The following KCND2 variants were observed in gnomAD, a reference collection of about 807,000 sequenced individuals.
The protein encoded by KCND2 is potassium voltage-gated channel subfamily D member 2.
In KCND2, 16 loss-of-function variants were observed where a neutral mutation model predicts 54.4. The observed-to-expected ratio is 0.29, with a 90% CI of 0.20 to 0.45. The LOEUF is 0.45. Ranked by LOEUF, KCND2 falls within the 20% of genes least tolerant of loss-of-function variation. The probability of loss-of-function intolerance (pLI) is 1.00; values close to 1 mark genes in which losing one functional copy is unlikely to be tolerated. For missense variants in KCND2, 486 were observed against 824.2 expected (o/e 0.59, Z 5.02); for synonymous variants, 317 against 310.7 (o/e 1.02, Z -0.21).
At chr7:120,649,880 A>G (rs1210957672) in intron 1 of KCND2, among the ~76,000 whole-genome samples, 5 of 152,156 alleles carry the variant, frequency 3.3e-5, no homozygotes, top group African/African-American at 9.7e-5. Context: ...TAATAAGCTT[A>G]GTTTGGCTGG....
intron 1 of KCND2, among the ~76,000 whole-genome samples, chr7:120,543,036 C>T (rs993939355): frequency 9.9e-5 from 15 of 152,004 alleles, no homozygotes; most frequent in Non-Finnish European, 1.8e-4. Flanking sequence ...AGCCCTCATA[C>T]AGTATTGACA....
chr7:120,501,798 C>G (rs934340668), intron 1 of KCND2, among the ~76,000 whole-genome samples: 1 of 151,872 alleles, frequency 6.6e-6, no homozygotes, highest in Non-Finnish European at 1.5e-5. Flanking sequence ...GCACTGTATT[C>G]CCCTGGGTGT....
chr7:120,618,258 TA>T (rs1385794937), intron 1 of KCND2, among the ~76,000 whole-genome samples: 1 of 152,202 alleles, frequency 6.6e-6, no homozygotes, highest in African/African-American at 2.4e-5. Flanking sequence ...GTGCCTTTCC[TA>T]TAAAACATAA....
chr7:120,607,223 ATTGT>A (rs1475551609), intron 1 of KCND2, among the ~76,000 whole-genome samples: 4 of 151,604 alleles, frequency 2.6e-5, no homozygotes, highest in African/African-American at 9.7e-5. Flanking sequence ...TGTTGCCCAT[ATTGT>A]TGCAAGCCTT....
chr7:120,703,835 A>G (rs1792433348), intron 1 of KCND2, among the ~76,000 whole-genome samples: 1 of 152,184 alleles, frequency 6.6e-6, no homozygotes, highest in Non-Finnish European at 1.5e-5. Context: ...ACAAAGCCAG[A>G]TGAAAACCAA....
intron 1 of KCND2, among the ~76,000 whole-genome samples, chr7:120,541,247 A>G (rs576124241): frequency 8.5e-5 from 13 of 152,312 alleles, no homozygotes; most frequent in Non-Finnish European, 1.9e-4. Flanking sequence ...GATGGAAGAG[A>G]GAGAACTCTA....
intron 1 of KCND2, among the ~76,000 whole-genome samples, chr7:120,385,584 T>C (rs1275913675): frequency 6.6e-6 from 1 of 152,140 alleles, no homozygotes; most frequent in East Asian, 1.9e-4. Flanking sequence ...TCAGTTATTC[T>C]GAACGCTTGG....
chr7:120,610,227 G>A (rs897415894), intron 1 of KCND2, among the ~76,000 whole-genome samples: 19 of 152,188 alleles, frequency 1.2e-4, no homozygotes, highest in African/African-American at 4.1e-4. Context: ...ACACCTCTTA[G>A]GTGACCTAGC....
At chr7:120,371,955 A>G (rs916222983) in intron 1 of KCND2, among the ~76,000 whole-genome samples, 6 of 151,916 alleles carry the variant, frequency 3.9e-5, no homozygotes, top group African/African-American at 1.4e-4. Flanking sequence ...ATAACCGTGT[A>G]TACCACCTTT....
At chr7:120,618,161 TAA>T (rs1420333371) in intron 1 of KCND2, among the ~76,000 whole-genome samples, 1 of 152,056 alleles carries the variant, frequency 6.6e-6, no homozygotes, top group Non-Finnish European at 1.5e-5. Flanking sequence ...GAACCAAAAA[TAA>T]AAGTTGAAAT....
At chr7:120,613,168 A>G (rs556655642) in intron 1 of KCND2, among the ~76,000 whole-genome samples, 5 of 151,768 alleles carry the variant, frequency 3.3e-5, no homozygotes, top group Non-Finnish European at 7.4e-5. Flanking sequence ...ACAGCATACT[A>G]TAGAAACTCA....
At chr7:120,296,527 T>C (rs193198694) in intron 1 of KCND2, among the ~76,000 whole-genome samples, 2 of 152,236 alleles carry the variant, frequency 1.3e-5, no homozygotes, top group East Asian at 3.9e-4. Context: ...TATGTGCCAA[T>C]AGTATGATCA....
intron 1 of KCND2, among the ~76,000 whole-genome samples, chr7:120,343,651 G>A (rs1465174451): frequency 6.6e-6 from 1 of 152,076 alleles, no homozygotes; most frequent in African/African-American, 2.4e-5. Flanking sequence ...GTTATTATTT[G>A]GAAACTATCT....
intron 1 of KCND2, among the ~76,000 whole-genome samples, chr7:120,689,996 A>C (rs1264113475): frequency 2.6e-5 from 4 of 152,194 alleles, no homozygotes; most frequent in African/African-American, 7.2e-5. Flanking sequence ...GTTCTAGTCA[A>C]ATCAGCAATT....
chr7:120,727,949 C>G (rs759164400), intron 1 of KCND2, among the ~76,000 whole-genome samples: 1 of 151,832 alleles, frequency 6.6e-6, no homozygotes. Context: ...TCCTGGCCAA[C>G]ATGGTGAAAC....
intron 1 of KCND2, among the ~76,000 whole-genome samples, chr7:120,581,968 C>T (rs1341733188): frequency 6.6e-6 from 1 of 152,122 alleles, no homozygotes; most frequent in African/African-American, 2.4e-5. Flanking sequence ...CCCGCCTCAG[C>T]CTCCCGAAGT....
intron 1 of KCND2, among the ~76,000 whole-genome samples, chr7:120,710,057 G>A (rs1357354755): frequency 6.6e-6 from 1 of 152,094 alleles, no homozygotes; most frequent in Non-Finnish European, 1.5e-5. Flanking sequence ...CAGGAAGCTG[G>A]CCCTGTATAC....
At chr7:120,464,362 G>T (rs774755095) in intron 1 of KCND2, among the ~76,000 whole-genome samples, 1 of 151,960 alleles carries the variant, frequency 6.6e-6, no homozygotes, top group African/African-American at 2.4e-5. Context: ...ATCTGTCTTT[G>T]GGGGCTTAAA....
chr7:120,295,347 AACACACACACACACACACAC>A (rs56748699), intron 1 of KCND2, among the ~76,000 whole-genome samples: 21 of 141,400 alleles, frequency 1.5e-4, no homozygotes, highest in African/African-American at 2.8e-4. Flanking sequence ...GTCATAGAGT[AACACACACACACACACACAC>A]ACACACACAC....
Sources: gnomAD v4.1 joint callset for allele counts (sites outside exome capture counted in the v4.1 genomes callset) on GRCh38, gnomAD v4.1.1 for gene constraint, MANE v1.5 for transcripts, NCBI Gene and HGNC (gene_info 2026-07-23, HGNC 2026-07-21) for gene names.